The following DPH1 variants were observed in gnomAD, a reference collection of about 807,000 sequenced individuals.
DPH1 encodes the protein 2-(3-amino-3-carboxypropyl)histidine synthase subunit 1.
In DPH1, 59 loss-of-function variants were observed where a neutral mutation model predicts 55.3. The observed-to-expected ratio is 1.07, with a 90% confidence interval of 0.87 to 1.33. The LOEUF (loss-of-function observed/expected upper bound fraction) is 1.33, where lower values mean the gene tolerates loss of function less well. DPH1 is among the 40% of genes most tolerant of loss of function. The pLI is 0.00. For missense variants in DPH1, 628 were observed against 584.8 expected, an observed-to-expected ratio of 1.07 and a Z score of -0.76; for synonymous variants, 238 against 235.5, an observed-to-expected ratio of 1.01 and a Z score of -0.10.
chr17:2,038,528 T>A (rs2067460798), intron 6 of DPH1, among the ~76,000 whole-genome samples: 1 of 152,130 alleles, frequency 6.6e-6, no homozygotes. Context: ...CCACCTGAGC[T>A]CCGCCTCCTG....
At chr17:2,035,884 G>T in intron 3 of DPH1, 86 bp from the exon 4 acceptor site, 10 of 1,571,270 alleles carry the variant, frequency 6.4e-6, no homozygotes, top group Non-Finnish European at 8.7e-6. Context: ...GAGGAGCTGG[G>T]CCCTGAGACA....
At chr17:2,042,563 T>C in intron 12 of DPH1, 42 bp from the exon 13 acceptor site, 1 of 1,486,458 alleles carries the variant, frequency 6.7e-7, no homozygotes, top group African/African-American at 1.4e-5. Context: ...TCCTGGAGCC[T>C]CCCATGCCCT....
At chr17:2,030,119 C>A, upstream of DPH1, 1 of 1,570,386 alleles carries the variant, frequency 6.4e-7, no homozygotes, top group South Asian at 1.2e-5. Flanking sequence ...TGTCTGCGCT[C>A]TCCGCGTTCT....
At position 2,040,149 on chromosome 17, in the gene DPH1, C is replaced by A; in HGVS notation, c.750-69C>A. On this transcript the variant is annotated intron_variant, in intron 7 of 12. Coordinates refer to ENST00000263083, the MANE Select transcript of DPH1 (RefSeq NM_001383.6). ...GGTTCAGGAGCCCACGGGGCTGAGT[C>A]AGGAGCTGTGTGCATAATACTGGTC... 1.9e-6 allele frequency: 3 copies of A among 1,585,928 alleles called. No individual in the cohort carries two copies. The South Asian group carries it at 3.4e-5, about 18-fold the overall frequency.
At chr17:2,038,411 T>C (rs568420409) in intron 6 of DPH1, among the ~76,000 whole-genome samples, 1 of 152,290 alleles carries the variant, frequency 6.6e-6, no homozygotes, top group African/African-American at 2.4e-5. Context: ...TTGTATGCCC[T>C]GCAACCTCAT....
intron 1 of DPH1, among the ~76,000 whole-genome samples, chr17:2,032,324 T>C (rs908915512): frequency 2.6e-5 from 4 of 152,168 alleles, no homozygotes; most frequent in Non-Finnish European, 4.4e-5. Flanking sequence ...ACTCATTCTT[T>C]GCCCCTTAGC....
rs2067494430 is a variant in DPH1, at chr17:2,040,252, CACT to C, written c.786_788del (p.Tyr263del). On this transcript the variant is annotated inframe_deletion, in exon 8 of 13. Transcript: ENST00000263083. ...ATATAGCAAAGTCCTATCCAGAGAA[CACT>C]ATGACCACCAGCGCATGCAGGCTGC... 1 of 1,613,966 alleles carries C rather than the reference CACT, an allele frequency of 6.2e-7. No individual in the cohort carries two copies. Among genetic ancestry groups the C allele is most frequent in the South Asian group, 1.1e-5 (1 of 91,090 alleles).
Position 2,036,600 on chromosome 17 carries a change from C to A in DPH1, c.472C>A (p.His158Asn). The A allele has an allele frequency of 6.2e-7, 1 of 1,614,146 alleles. No homozygotes were observed. Among genetic ancestry groups the A allele is most frequent in the Middle Eastern group, 1.6e-4 (1 of 6,062 alleles). ...TGTGGACATCCGGATAGACACTACA[C>A]ACCTCCTGGACTCTCTCCGCCTCAC... ...VFVDIRIDTTHLLDSLRLTFP... is the reference protein window; with the variant it reads ...VFVDIRIDTTNLLDSLRLTFP... The change falls in exon 5 of 13, where the codon CAC becomes AAC. Residue 158 changes from histidine to asparagine, a missense_variant. His to Asn is a moderately conservative substitution (Grantham distance 68). Coordinates refer to ENST00000263083, the MANE Select transcript of DPH1 (RefSeq NM_001383.6). The surrounding 1 kb of genome is among the most constrained non-coding windows in gnomAD (Gnocchi z 4.8).
At position 2,036,600 on chromosome 17, in the gene DPH1, C is replaced by T. The variant is rs1418382474; in HGVS notation, c.472C>T (p.His158Tyr). ...VFVDIRIDTT[H>Y]LLDSLRLTFP... is the part of the protein sequence containing the mutation. ...TGTGGACATCCGGATAGACACTACA[C>T]ACCTCCTGGACTCTCTCCGCCTCAC... Residue 158 changes from histidine (H) to tyrosine (Y), a missense_variant, in exon 5 of 13, where the codon CAC (histidine) becomes TAC (tyrosine). By Grantham distance (83) the His-to-Tyr change is moderately conservative. Transcript: ENST00000263083. This position sits in a 1 kb window ranked among gnomAD's most constrained non-coding sequence, Gnocchi z 4.8. 1 of 1,614,146 alleles carries T rather than the reference C, an allele frequency of 6.2e-7. No individual in the cohort carries two copies. Among genetic ancestry groups the T allele is most frequent in the African/African-American group, 1.3e-5 (1 of 75,050 alleles).
rs781280812 is a variant in DPH1 at position 2,040,320 on chromosome 17, C to T, written c.852C>T (p.Ser284=). 3.1e-6 allele frequency: 5 copies of T among 1,614,084 alleles called. No individual in the cohort carries two copies. Among genetic ancestry groups the T allele is most frequent in the African/African-American group, 1.3e-5 (1 of 75,072 alleles). Residue 284 remains serine, a synonymous_variant, in exon 8 of 13, where the codon TCC becomes TCT. Coordinates refer to ENST00000263083, the MANE Select transcript of DPH1 (RefSeq NM_001383.6). ...EAIATARSAK[S]WGLILGTLGR... is the part of the protein sequence containing the mutation. ...TAGCCACTGCCCGCTCAGCTAAGTCCTGGGGCCTTATTCTGGGCACTTTGG... is the reference window on the plus strand; with the variant it reads ...TAGCCACTGCCCGCTCAGCTAAGTCTTGGGGCCTTATTCTGGGCACTTTGG...
intron 6 of DPH1, among the ~76,000 whole-genome samples, chr17:2,038,050 C>T (rs903698470): frequency 6.7e-6 from 1 of 150,282 alleles, no homozygotes; most frequent in Non-Finnish European, 1.5e-5. Flanking sequence ...TGGCTCACGC[C>T]TGTAATCTCA....
Position 2,036,340 on chromosome 17 carries a change from C to G in DPH1, c.401-189C>G. The G allele has an allele frequency of 9.6e-7, 1 of 1,042,856 alleles. No homozygotes were observed. Among genetic ancestry groups the G allele is most frequent in the Non-Finnish European group, 1.4e-6 (1 of 736,212 alleles). 64.6% of individuals were successfully genotyped at this position (1,042,856 alleles called of 1,614,324 possible). The stretch of plus-strand genomic sequence containing the variant: ...GTTGGTTGTAGAGCAGGCTGGGCCC[C>G]GGCCGGGTGACAGAGAAGTCTGATT... On this transcript the variant is annotated intron_variant, in intron 4 of 12. Transcript: ENST00000263083. This position sits in a 1 kb window ranked among gnomAD's most constrained non-coding sequence, Gnocchi z 4.8.
At chr17:2,040,786 G>A in intron 9 of DPH1, 181 bp downstream of exon 9, 1 of 678,144 alleles carries the variant, frequency 1.5e-6, no homozygotes, top group Non-Finnish European at 2.5e-6. Context: ...GGGCTCAGAG[G>A]CAATGGCAAC....
chr17:2,032,830 G>A (rs1163654626), intron 1 of DPH1, among the ~76,000 whole-genome samples: 1 of 152,124 alleles, frequency 6.6e-6, no homozygotes. Context: ...TGCAAGCTCC[G>A]CCTCCCGGGT....
intron 1 of DPH1, among the ~76,000 whole-genome samples, chr17:2,031,565 C>CAAAAA (rs56410346): frequency 4.3e-5 from 3 of 69,648 alleles, no homozygotes; most frequent in East Asian, 4.8e-4. Context: ...GACTCTGTCT[C>CAAAAA]AAAAAAAAAA....
chr17:2,036,291 C>T lies in DPH1; in HGVS notation c.400+200C>T. On this transcript the variant is annotated intron_variant, in intron 4 of 12. Transcript: ENST00000263083. This position sits in a 1 kb window ranked among gnomAD's most constrained non-coding sequence, Gnocchi z 4.8. ...GTTGCCTTGGCAACGGTGCTCTGTC[C>T]CAGATGCAGGTGTTTGAAAGGCTGT... 5 of 1,134,368 alleles carry T rather than the reference C, an allele frequency of 4.4e-6. No individual in the cohort carries two copies. The South Asian group carries it at 6.5e-5, about 15-fold the overall frequency. The allele number at this position is 1,134,368 out of a possible 1,614,324, so 70.3% of individuals were successfully genotyped here. A position where few individuals can be genotyped will look rare whatever the true frequency, so the allele number is the denominator to read the frequency against.
At position 2,041,457 on chromosome 17, in the gene DPH1, T is replaced by C. The variant is rs757708806; in HGVS notation, c.1087-24T>C. On this transcript the variant is annotated intron_variant, in intron 10 of 12. Transcript: ENST00000263083. Reference sequence around the variant, plus strand: ...GGCAGAAAAACACTGGCAGATGTTATTGTCCCTCCCTCCCCTCCCCTAGGC... The same window carrying C: ...GGCAGAAAAACACTGGCAGATGTTACTGTCCCTCCCTCCCCTCCCCTAGGC... 31 of 1,585,302 alleles carry C rather than the reference T, an allele frequency of 2.0e-5. 1 individual carries two copies. The South Asian group carries it at 2.3e-4, about 12-fold the overall frequency.
intron 12 of DPH1, 154 bp from the exon 13 acceptor site, chr17:2,042,451 A>AGTCCACTC (rs2067557216): frequency 7.9e-7 from 1 of 1,268,512 alleles, no homozygotes; most frequent in East Asian, 2.7e-5. Flanking sequence ...TGTTCAGGCC[A>AGTCCACTC]ATCCACTCAT....
At chr17:2,039,604 C>G in intron 6 of DPH1, 151 bp from the exon 7 acceptor site, 1 of 826,582 alleles carries the variant, frequency 1.2e-6, no homozygotes, top group South Asian at 1.5e-5. Flanking sequence ...GTCTCGATCT[C>G]CTGACCTCAT....
Sources: allele counts gnomAD v4.1 joint callset (sites outside exome capture counted in the v4.1 genomes callset), GRCh38; gene constraint gnomAD v4.1.1; non-coding constraint Gnocchi (gnomAD v3.1); transcripts MANE v1.5; gene names NCBI Gene and HGNC (gene_info 2026-07-23, HGNC 2026-07-21).